UBR3: variants seen among roughly 807,000 people sequenced by gnomAD.
UBR3 encodes ubiquitin protein ligase E3 component n-recognin 3.
A neutral mutation model predicts 243.2 loss-of-function variants in UBR3; 85 were observed. That is an observed-to-expected ratio of 0.35 (90% CI 0.29 to 0.42). UBR3 has a LOEUF of 0.42. Ranked by LOEUF, UBR3 falls within the 10% of genes least tolerant of loss-of-function variation. The pLI is 1.00. For synonymous variants in UBR3, 748 were observed against 799.8 expected (o/e 0.94, Z 1.09); for missense variants, 1,686 against 2,300.8 (o/e 0.73, Z 5.47).
At chr2:169,854,117 C>T (rs2082758279) in intron 1 of UBR3, among the ~76,000 whole-genome samples, 1 of 152,080 alleles carries the variant, frequency 6.6e-6, no homozygotes, top group Non-Finnish European at 1.5e-5. Context: ...AGCAAACCAC[C>T]ATGGCACATG....
At chr2:169,864,370 A>G (rs1265992627) in intron 1 of UBR3, among the ~76,000 whole-genome samples, 1 of 152,182 alleles carries the variant, frequency 6.6e-6, no homozygotes, top group East Asian at 1.9e-4. Flanking sequence ...CCATATTCCC[A>G]GGACCTATGT....
At chr2:169,871,711 G>T (rs1559042385) in intron 1 of UBR3, among the ~76,000 whole-genome samples, 1 of 133,272 alleles carries the variant, frequency 7.5e-6, no homozygotes. Context: ...TTGTGCCACT[G>T]CACTCCAGCC....
intron 35 of UBR3, among the ~76,000 whole-genome samples, chr2:170,063,472 TTG>T (rs1394224578): frequency 1.3e-5 from 2 of 148,238 alleles, no homozygotes; most frequent in African/African-American, 5.0e-5. Context: ...CTTACTTTGT[TTG>T]TGTATACAGT....
At chr2:170,036,561 T>G (rs1364173272) in intron 31 of UBR3, among the ~76,000 whole-genome samples, 4 of 152,098 alleles carry the variant, frequency 2.6e-5, no homozygotes, top group Non-Finnish European at 5.9e-5. Flanking sequence ...TATGAGTGAT[T>G]AAAAATGGGA....
intron 1 of UBR3, among the ~76,000 whole-genome samples, chr2:169,860,018 T>A (rs2083034933): frequency 6.6e-6 from 1 of 152,138 alleles, no homozygotes. Flanking sequence ...CACCTGGTCT[T>A]ATTTTTTAAT....
At chr2:169,979,461 C>T (rs764807067) in intron 24 of UBR3, among the ~76,000 whole-genome samples, 1 of 152,238 alleles carries the variant, frequency 6.6e-6, no homozygotes, top group East Asian at 1.9e-4. Context: ...ATTTTTATAG[C>T]AACTTTATTT....
At chr2:170,056,164 T>G (rs1487704794) in intron 33 of UBR3, among the ~76,000 whole-genome samples, 2 of 151,732 alleles carry the variant, frequency 1.3e-5, no homozygotes, top group East Asian at 3.9e-4. Context: ...CCTGCCACCA[T>G]GCCCAGCTAA....
chr2:169,847,314 T>C (rs1214127828), intron 1 of UBR3, among the ~76,000 whole-genome samples: 1 of 152,182 alleles, frequency 6.6e-6, no homozygotes, highest in African/African-American at 2.4e-5. Flanking sequence ...CTTCAGACTT[T>C]TTAAAATGTT....
At chr2:170,015,647 A>G (rs1238759727) in intron 30 of UBR3, among the ~76,000 whole-genome samples, 1 of 151,836 alleles carries the variant, frequency 6.6e-6, no homozygotes, top group Non-Finnish European at 1.5e-5. Flanking sequence ...TTGTTCTTAA[A>G]CTTTAATTCT....
At chr2:169,829,335 T>C (rs2081850766) in intron 1 of UBR3, among the ~76,000 whole-genome samples, 1 of 151,786 alleles carries the variant, frequency 6.6e-6, no homozygotes, top group East Asian at 1.9e-4. Context: ...GAGGTTTCTG[T>C]GCAGAGGGAG....
intron 10 of UBR3, among the ~76,000 whole-genome samples, chr2:169,909,221 G>A (rs938068941): frequency 6.6e-6 from 1 of 152,094 alleles, no homozygotes; most frequent in South Asian, 2.1e-4. Flanking sequence ...GCAGGTATTC[G>A]CAGATCATGT....
rs183103030 is a variant in UBR3, at chr2:170,022,115, A to G, written c.4453+6749A>G. On this transcript the variant is annotated intron_variant, in intron 30 of 38. Transcript: ENST00000272793. ...GACCTCTCTTCCTAGGACTACCTATATGCAGAAGCAGAATTGTCCTCTCCC... is the reference window on the plus strand; with the variant it reads ...GACCTCTCTTCCTAGGACTACCTATGTGCAGAAGCAGAATTGTCCTCTCCC... 2.5e-3 allele frequency among the ~76,000 whole-genome samples: 376 copies of G among 152,294 alleles called. 3 individuals carry two copies. The highest frequency in any genetic ancestry group is 4.3e-3 in the Non-Finnish European group (293 of 68,004).
chr2:169,997,594 G>A (rs2089543330), intron 26 of UBR3, among the ~76,000 whole-genome samples: 1 of 152,064 alleles, frequency 6.6e-6, no homozygotes, highest in African/African-American at 2.4e-5. Context: ...CCGGCCAGGA[G>A]CATGTTACAG....
At chr2:169,912,596 C>T (rs997538057) in intron 10 of UBR3, among the ~76,000 whole-genome samples, 5 of 151,992 alleles carry the variant, frequency 3.3e-5, no homozygotes, top group African/African-American at 9.7e-5. Flanking sequence ...TTTCATTTGT[C>T]CTTTAATCAA....
At chr2:169,854,606 GGA>G (rs1179982538) in intron 1 of UBR3, among the ~76,000 whole-genome samples, 2 of 151,988 alleles carry the variant, frequency 1.3e-5, no homozygotes, top group Admixed American at 6.6e-5. Flanking sequence ...TACATACACA[GGA>G]GAGAGTTTAT....
At chr2:169,946,185 T>A in intron 20 of UBR3, 103 bp from the exon 21 acceptor site, 1 of 585,966 alleles carries the variant, frequency 1.7e-6, no homozygotes, top group South Asian at 2.7e-5. Flanking sequence ...TTCTAGATAT[T>A]AAAGTACTTT....
intron 3 of UBR3, 43 bp downstream of exon 3, chr2:169,875,992 C>G: frequency 7.4e-7 from 1 of 1,355,890 alleles, no homozygotes; most frequent in Admixed American, 3.3e-5. Context: ...TCATATCTTA[C>G]TATAATGATA....
At chr2:169,908,371 TATA>T (rs1225292492) in intron 10 of UBR3, among the ~76,000 whole-genome samples, 1 of 152,214 alleles carries the variant, frequency 6.6e-6, no homozygotes, top group East Asian at 1.9e-4. Context: ...GACTCAGATA[TATA>T]ATCTACTCAT....
intron 13 of UBR3, among the ~76,000 whole-genome samples, chr2:169,925,011 C>A (rs560464572): frequency 6.6e-6 from 1 of 151,918 alleles, no homozygotes; most frequent in African/African-American, 2.4e-5. Flanking sequence ...TCCAGTCTGG[C>A]GACAGAGTGA....
Sources: gnomAD v4.1 joint callset for allele counts (sites outside exome capture counted in the v4.1 genomes callset) on GRCh38, gnomAD v4.1.1 for gene constraint, MANE v1.5 for transcripts, NCBI Gene and HGNC (gene_info 2026-07-23, HGNC 2026-07-21) for gene names.